MACROD2: variants seen among roughly 807,000 people sequenced by gnomAD.
MACROD2 encodes the protein ADP-ribose glycohydrolase MACROD2.
A neutral mutation model predicts 70.4 loss-of-function variants in MACROD2; 36 were observed. The ratio of observed to expected loss-of-function variants is 0.51; its 90% CI spans 0.39 to 0.68. The LOEUF (loss-of-function observed/expected upper bound fraction) is 0.68. Ranked by LOEUF, MACROD2 falls within the 30% of genes least tolerant of loss-of-function variation. MACROD2 has a pLI of 0.00. For missense variants in MACROD2, 496 were observed against 538.4 expected (o/e 0.92, Z 0.78); for synonymous variants, 172 against 178.8 (o/e 0.96, Z 0.30).
intron 2 of MACROD2, among the ~76,000 whole-genome samples, chr20:14,071,662 G>A (rs957230605): frequency 6.6e-6 from 1 of 152,096 alleles, no homozygotes; most frequent in African/African-American, 2.4e-5. Context: ...TGCTTTTCTT[G>A]TTCCAACAGG....
chr20:15,767,695 A>G (rs1255330651), intron 8 of MACROD2, among the ~76,000 whole-genome samples: 2 of 152,182 alleles, frequency 1.3e-5, no homozygotes, highest in Admixed American at 6.5e-5. Context: ...CAAGCCAAAT[A>G]TTTCACAATT....
At chr20:15,314,118 A>G (rs1419854526) in intron 6 of MACROD2, among the ~76,000 whole-genome samples, 6 of 152,206 alleles carry the variant, frequency 3.9e-5, no homozygotes, top group Admixed American at 2.6e-4. Context: ...TGAAATTTAC[A>G]TGGTGAGTGA....
intron 3 of MACROD2, among the ~76,000 whole-genome samples, chr20:14,464,469 T>C (rs1033513479): frequency 6.6e-6 from 1 of 152,066 alleles, no homozygotes; most frequent in Non-Finnish European, 1.5e-5. Flanking sequence ...ATTTTGTTGA[T>C]CTTTTCAAAA....
intron 3 of MACROD2, among the ~76,000 whole-genome samples, chr20:14,478,823 T>TCC (rs2084628245): frequency 1.3e-5 from 2 of 152,176 alleles, no homozygotes; most frequent in South Asian, 4.1e-4. Flanking sequence ...CAATTTAATT[T>TCC]TCCAAGATTT....
chr20:14,809,503 C>T (rs1334684171), intron 5 of MACROD2, among the ~76,000 whole-genome samples: 4 of 151,552 alleles, frequency 2.6e-5, no homozygotes, highest in Non-Finnish European at 5.9e-5. Context: ...AAATTGACAC[C>T]CTAACATCAC....
At chr20:15,922,817 T>C (rs2065430418) in intron 10 of MACROD2, among the ~76,000 whole-genome samples, 1 of 152,228 alleles carries the variant, frequency 6.6e-6, no homozygotes, top group Non-Finnish European at 1.5e-5. Flanking sequence ...CATTCCTGTG[T>C]CTGCAGCACC....
At chr20:14,474,918 A>T (rs767152149) in intron 3 of MACROD2, among the ~76,000 whole-genome samples, 6 of 152,008 alleles carry the variant, frequency 3.9e-5, no homozygotes, top group Non-Finnish European at 8.8e-5. Flanking sequence ...CAGCCACTCT[A>T]TGTTTTCTAA....
chr20:14,304,217 C>A (rs2082500643), intron 3 of MACROD2, among the ~76,000 whole-genome samples: 1 of 152,176 alleles, frequency 6.6e-6, no homozygotes, highest in African/African-American at 2.4e-5. Context: ...TCCTTGGACA[C>A]TTTATGTTTA....
intron 8 of MACROD2, among the ~76,000 whole-genome samples, chr20:15,800,794 C>T (rs2063717584): frequency 6.6e-6 from 1 of 151,880 alleles, no homozygotes; most frequent in Admixed American, 6.6e-5. Context: ...GTTGCTGTGT[C>T]TGTGTAGAAA....
At chr20:15,950,244 T>C (rs148609545) in intron 12 of MACROD2, among the ~76,000 whole-genome samples, 24 of 152,318 alleles carry the variant, frequency 1.6e-4, no homozygotes, top group African/African-American at 5.5e-4. Flanking sequence ...TAAAAATAAA[T>C]ACTGTAATTT....
chr20:15,289,599 C>T (rs2077523493), intron 6 of MACROD2, among the ~76,000 whole-genome samples: 1 of 152,162 alleles, frequency 6.6e-6, no homozygotes, highest in Non-Finnish European at 1.5e-5. Context: ...CTAAACAGGT[C>T]ATCAGAGGTA....
intron 3 of MACROD2, among the ~76,000 whole-genome samples, chr20:14,468,095 G>C (rs757377445): frequency 1.3e-5 from 2 of 152,028 alleles, no homozygotes; most frequent in Admixed American, 1.3e-4. Context: ...TGTAGATTTG[G>C]GGTGGAGAGT....
intron 3 of MACROD2, among the ~76,000 whole-genome samples, chr20:14,285,091 T>C (rs1601435447): frequency 6.6e-6 from 1 of 152,248 alleles, no homozygotes; most frequent in South Asian, 2.1e-4. Flanking sequence ...GCACACTCTT[T>C]CCCCCTCAGA....
intron 3 of MACROD2, among the ~76,000 whole-genome samples, chr20:14,274,975 C>T (rs905047559): frequency 1.3e-5 from 2 of 152,094 alleles, no homozygotes; most frequent in Non-Finnish European, 2.9e-5. Context: ...TAACTACAAA[C>T]CAGCGCTCAA....
At chr20:15,447,078 G>C (rs1384619820) in intron 7 of MACROD2, among the ~76,000 whole-genome samples, 2 of 151,668 alleles carry the variant, frequency 1.3e-5, no homozygotes, top group Non-Finnish European at 2.9e-5. Context: ...GTGTGTGTGT[G>C]TGTGTGTGTC....
intron 12 of MACROD2, among the ~76,000 whole-genome samples, chr20:15,948,014 G>C (rs1354263300): frequency 1.3e-5 from 2 of 152,082 alleles, no homozygotes; most frequent in Non-Finnish European, 2.9e-5. Flanking sequence ...GCAGGAAGCA[G>C]TTAGAGCGGT....
intron 8 of MACROD2, among the ~76,000 whole-genome samples, chr20:15,644,401 G>T (rs2049509724): frequency 6.6e-6 from 1 of 152,088 alleles, no homozygotes; most frequent in South Asian, 2.1e-4. Flanking sequence ...GAGAATCCTA[G>T]TAATTGTCAG....
chr20:14,992,383 A>G (rs1484422313), intron 5 of MACROD2, among the ~76,000 whole-genome samples: 3 of 152,188 alleles, frequency 2.0e-5, no homozygotes, highest in Non-Finnish European at 4.4e-5. Flanking sequence ...TTATATTTCA[A>G]TTAGAAGTAA....
chr20:14,326,608 A>G lies in MACROD2; in HGVS notation c.272-166871A>G. 1 of 1,613,856 alleles carries G rather than the reference A, an allele frequency of 6.2e-7. No homozygotes were observed. Among genetic ancestry groups the G allele is most frequent in the Non-Finnish European group, 8.5e-7 (1 of 1,179,846 alleles). ...ATACCAGGGATTGTTGCGAAGAATC[A>G]GTTGTGTTATATTGTCCAAATCATC... is the stretch of plus-strand genomic sequence containing the variant. On this transcript the variant is annotated intron_variant, in intron 3 of 17. Coordinates refer to ENST00000684519, the MANE Select transcript of MACROD2 (RefSeq NM_001351661.2). The surrounding 1 kb of genome is among the most constrained non-coding windows in gnomAD (Gnocchi z 5.5).
Sources: gnomAD v4.1 joint callset for allele counts (sites outside exome capture counted in the v4.1 genomes callset) on GRCh38, gnomAD v4.1.1 for gene constraint, Gnocchi (gnomAD v3.1) non-coding constraint, MANE v1.5 for transcripts, NCBI Gene and HGNC (gene_info 2026-07-23, HGNC 2026-07-21) for gene names.